GNAT2: variants seen among roughly 807,000 people sequenced by gnomAD.
GNAT2 encodes G protein subunit alpha transducin 2.
In GNAT2, 32 loss-of-function variants were observed where a neutral mutation model predicts 40.9. That is an observed-to-expected ratio of 0.78 (90% CI 0.59 to 1.05). The LOEUF (loss-of-function observed/expected upper bound fraction) is 1.05, where lower values mean the gene tolerates loss of function less well. Ranked by LOEUF, GNAT2 falls within the 50% of genes least tolerant of loss-of-function variation. The probability of loss-of-function intolerance (pLI) is 0.00; values close to 1 mark genes in which losing one functional copy is unlikely to be tolerated. For synonymous variants in GNAT2, 141 were observed against 157.2 expected (o/e 0.90, Z 0.77); for missense variants, 355 against 431.5 (o/e 0.82, Z 1.57).
chr1:109,604,473 A>C, intron 7 of GNAT2: 1 of 279,356 alleles, frequency 3.6e-6, no homozygotes, highest in Non-Finnish European at 7.0e-6. Context: ...AGAACTTGAC[A>C]TTTTATAAGT....
chr1:109,604,529 T>A (rs113835629), intron 7 of GNAT2: 140 of 208,040 alleles, frequency 6.7e-4, no homozygotes, highest in African/African-American at 3.1e-3. Flanking sequence ...CATGTGCCCA[T>A]ATGCATCTCC....
In GNAT2 at chr1:109,606,367, G is replaced by T; in HGVS notation, c.531C>A (p.Ser177=). The T allele has an allele frequency of 6.2e-7, 1 of 1,611,604 alleles. No individual in the cohort carries two copies. The highest frequency in any genetic ancestry group is 8.5e-7 in the Non-Finnish European group (1 of 1,177,694). The change falls in exon 6 of 9, where the codon TCC becomes TCA. Residue 177 remains serine, a synonymous_variant. Coordinates refer to ENST00000679935, the MANE Select transcript of GNAT2 (RefSeq NM_001377295.2). ...CAATGATGCCCGTGGTTTTGACTCT[G>T]GATCGGAGCACATCTTGCTCACTAG... is the stretch of plus-strand genomic sequence containing the variant. The part of the protein sequence containing the change: ...YLPSEQDVLR[S]RVKTTGIIET...
rs746796374 is a variant in GNAT2, at chr1:109,612,914, G to A, written c.-44C>T. ...TTTTTCAGGCCCCTAATCCTCTCTC[G>A]TAAGGTTTCCTGTATGTGAGATGGA... On this transcript the variant is annotated 5_prime_UTR_variant, in exon 2 of 9. It adds an upstream start codon to the 5' untranslated region. Coordinates refer to ENST00000679935, the MANE Select transcript of GNAT2 (RefSeq NM_001377295.2). 2.3e-5 allele frequency: 29 copies of A among 1,262,232 alleles called. No homozygotes were observed. Among genetic ancestry groups the A allele is most frequent in the South Asian group, 2.0e-4 (17 of 84,160 alleles). The allele number at this position is 1,262,232 out of a possible 1,614,324, so 78.2% of individuals were successfully genotyped here. A position where few individuals can be genotyped will look rare whatever the true frequency, so the allele number is the denominator to read the frequency against.
In GNAT2 at chr1:109,612,877, C is replaced by T. The variant is rs750796967; in HGVS notation, c.-7G>A. On this transcript the variant is annotated 5_prime_UTR_variant, in exon 2 of 9. Transcript: ENST00000679935. ...CACTGGCTCCACTTCCCATATTTGCCGTCTTGTCAGCTTTTTCAGGCCCCT... is the reference window on the plus strand; with the variant it reads ...CACTGGCTCCACTTCCCATATTTGCTGTCTTGTCAGCTTTTTCAGGCCCCT... 7.6e-6 allele frequency: 12 copies of T among 1,572,710 alleles called. No individual in the cohort carries two copies. The East Asian group carries it at 8.9e-5, about 12-fold the overall frequency.
At chr1:109,608,106 T>C (rs1649665888) in intron 5 of GNAT2, 3 of 192,382 alleles carry the variant, frequency 1.6e-5, no homozygotes, top group Non-Finnish European at 3.3e-5. Flanking sequence ...GGTTTGCCCT[T>C]GTAGTTTGTG....
rs577203330 is a variant in GNAT2 at position 109,612,700 on chromosome 1, G to T, written c.118+53C>A. 1.7e-5 allele frequency: 19 copies of T among 1,117,890 alleles called. No individual in the cohort carries two copies. In the African/African-American group the frequency reaches 2.6e-4, roughly 15 times the overall value. The allele number at this position is 1,117,890 out of a possible 1,614,324, so 69.2% of individuals were successfully genotyped here. On this transcript the variant is annotated intron_variant, in intron 2 of 8. Transcript: ENST00000679935. ...TGAGGTAGAACCCACCAACCCTTCA[G>T]GAAAGTAGGAAGGACCCCTGCCTTC...
intron 1 of GNAT2, chr1:109,616,642 G>C (rs1018479584): frequency 6.6e-6 from 1 of 152,194 alleles, no homozygotes; most frequent in Non-Finnish European, 1.5e-5. Flanking sequence ...TTAAGACCTA[G>C]CATTCACCCC....
At chr1:109,614,837 G>A (rs1050041315) in intron 1 of GNAT2, 5 of 152,330 alleles carry the variant, frequency 3.3e-5, no homozygotes, top group Admixed American at 2.0e-4. Flanking sequence ...TGCAGCTGCT[G>A]AGGTGCTTTC....
intron 7 of GNAT2, chr1:109,604,964 CAT>C (rs1245420991): frequency 6.6e-6 from 1 of 152,208 alleles, no homozygotes; most frequent in Non-Finnish European, 1.5e-5. Flanking sequence ...TGGAAAGTCT[CAT>C]AGACTGTAAT....
Position 109,606,007 on chromosome 1 carries a change from C to T in GNAT2, c.683G>A (p.Ser228Asn), listed in dbSNP as rs887755996. ...TTCCACCAGCACCATATCATAGGCACTGAGGGCTGCACAGAAAATGATGCA... is the reference window on the plus strand; with the variant it reads ...TTCCACCAGCACCATATCATAGGCATTGAGGGCTGCACAGAAAATGATGCA... ...VTCIIFCAAL[S>N]AYDMVLVEDD... Residue 228 changes from serine (S) to asparagine (N), a missense_variant, in exon 7 of 9, where the codon AGT (serine) becomes AAT (asparagine). By Grantham distance (46) the Ser-to-Asn change is conservative. Coordinates refer to ENST00000679935, the MANE Select transcript of GNAT2 (RefSeq NM_001377295.2). The T allele has an allele frequency of 1.2e-6, 2 of 1,613,644 alleles. No homozygotes were observed. The highest frequency in any genetic ancestry group is 2.7e-5 in the African/African-American group (2 of 74,914).
At chr1:109,605,937 C>A in intron 7 of GNAT2, 33 bp downstream of exon 7, 1 of 1,605,758 alleles carries the variant, frequency 6.2e-7, no homozygotes, top group African/African-American at 1.3e-5. Flanking sequence ...AGAACTTGTT[C>A]TACCAAAGCT....
intron 5 of GNAT2, 152 bp from the exon 6 acceptor site, chr1:109,606,588 C>T: frequency 1.5e-6 from 1 of 678,926 alleles, no homozygotes; most frequent in East Asian, 2.8e-5. Flanking sequence ...TTCCTTCAAA[C>T]CTTCATATGT....
At chr1:109,614,061 G>A (rs1338832026) in intron 1 of GNAT2, 7 of 152,140 alleles carry the variant, frequency 4.6e-5, no homozygotes, top group Admixed American at 1.3e-4. Context: ...TGTTGCTGGC[G>A]GAGCCTCCTC....
chr1:109,608,234 A>G (rs1649669306), intron 5 of GNAT2: 2 of 298,008 alleles, frequency 6.7e-6, no homozygotes, highest in South Asian at 3.3e-5. Context: ...AAGAGCCATC[A>G]TGAATCACAT....
At position 109,608,692 on chromosome 1, in the gene GNAT2, C is replaced by T. The variant is rs1209757820; in HGVS notation, c.400G>A (p.Gly134Ser). Residue 134 changes from glycine (G) to serine (S), a missense_variant, in exon 5 of 9, where the codon GGT becomes AGT. Physicochemically the swap from Gly to Ser is moderately conservative, Grantham distance 56 (BLOSUM62 0). Transcript: ENST00000679935. ...CTCTCGAAGCAGGCTTGCACCCCAC[C>T]ATCCTTCCACAACCTCCTAATGACC... is the stretch of plus-strand genomic sequence containing the variant. Reference protein sequence around the residue: ...VEVIRRLWKDGGVQACFERAA... With the variant: ...VEVIRRLWKDSGVQACFERAA... The T allele has an allele frequency of 6.2e-7, 1 of 1,613,958 alleles. No individual in the cohort carries two copies. The highest frequency in any genetic ancestry group is 2.2e-5 in the East Asian group (1 of 44,894).
Position 109,603,216 on chromosome 1 carries a change from C to G in GNAT2, c.*138G>C. ...CACTTTGAAAAGAACGTATGAAATA[C>G]AGTTGCAGTCATGTATACTCCATCT... is the stretch of plus-strand genomic sequence containing the variant. On this transcript the variant is annotated 3_prime_UTR_variant, in exon 9 of 9. Coordinates refer to ENST00000679935, the MANE Select transcript of GNAT2 (RefSeq NM_001377295.2). 1 of 688,660 alleles carries G rather than the reference C, an allele frequency of 1.5e-6. No homozygotes were observed. The allele number at this position is 688,660 out of a possible 1,614,324, so 42.7% of individuals were successfully genotyped here. A position where few individuals can be genotyped will look rare whatever the true frequency, so the allele number is the denominator to read the frequency against.
In GNAT2 at chr1:109,604,602, T is replaced by C. The variant is rs1649537048; in HGVS notation, c.721-498A>G. On this transcript the variant is annotated intron_variant, in intron 7 of 8. Transcript: ENST00000679935. ...ATCTCAGTTTGGGCTACTTTGGTCCTGCTGCCACATGGTGAGAGTTAGAGA... is the reference window on the plus strand; with the variant it reads ...ATCTCAGTTTGGGCTACTTTGGTCCCGCTGCCACATGGTGAGAGTTAGAGA... 2.9e-5 allele frequency: 5 copies of C among 175,166 alleles called. No individual in the cohort carries two copies. The South Asian group carries it at 6.2e-4, about 22-fold the overall frequency. 10.9% of individuals were successfully genotyped at this position (175,166 alleles called of 1,614,324 possible).
chr1:109,606,902 T>A, intron 5 of GNAT2: 1 of 193,014 alleles, frequency 5.2e-6, no homozygotes, highest in Non-Finnish European at 1.1e-5. Flanking sequence ...TATTTGATGC[T>A]ATTAAGGAAT....
chr1:109,613,419 C>G (rs1231653900), intron 1 of GNAT2: 1 of 171,854 alleles, frequency 5.8e-6, no homozygotes, highest in African/African-American at 2.4e-5. Flanking sequence ...TTACCATAGG[C>G]TGGTCCTGGC....
Sources: gnomAD v4.1 joint callset for allele counts on GRCh38, gnomAD v4.1.1 for gene constraint, MANE v1.5 for transcripts, NCBI Gene and HGNC (gene_info 2026-07-23, HGNC 2026-07-21) for gene names.